Variants in KCNIP4 observed in about 807,000 individuals in gnomAD.
KCNIP4 encodes Kv channel-interacting protein 4.
Under a neutral mutation model 34.0 loss-of-function variants are expected in KCNIP4, and 12 were observed. That is an observed-to-expected ratio of 0.35 (90% CI 0.23 to 0.57). KCNIP4 has a LOEUF of 0.57. Among genes scored for constraint, KCNIP4 ranks in the 20% least tolerant of loss-of-function variants. KCNIP4 has a pLI of 0.83. For missense variants in KCNIP4, 238 were observed against 311.7 expected, an observed-to-expected ratio of 0.76 and a Z score of 1.78; for synonymous variants, 124 against 102.2, an observed-to-expected ratio of 1.21 and a Z score of -1.29.
intron 1 of KCNIP4, among the ~76,000 whole-genome samples, chr4:21,336,914 C>T (rs180900796): frequency 2.1e-4 from 32 of 152,050 alleles, no homozygotes; most frequent in Non-Finnish European, 3.4e-4. Context: ...GTAGAAGGTA[C>T]TGGGAGAACA....
chr4:20,982,340 A>T (rs1028494506), intron 1 of KCNIP4, among the ~76,000 whole-genome samples: 1 of 152,176 alleles, frequency 6.6e-6, no homozygotes, highest in African/African-American at 2.4e-5. Flanking sequence ...AAATTATTCC[A>T]ATCATAGAAA....
chr4:21,097,583 G>A lies in KCNIP4; in HGVS notation c.62-214874C>T, dbSNP rs113898878. ...TATTACATCTGTCTTGGTGATCTGC[G>A]ATCAGTGATCTTTGATGTGGCTACC... On this transcript the variant is annotated intron_variant, in intron 1 of 8. Coordinates refer to ENST00000382152, the MANE Select transcript of KCNIP4 (RefSeq NM_025221.6). 2.2e-3 allele frequency among the ~76,000 whole-genome samples: 327 copies of A among 151,956 alleles called. 4 individuals carry two copies. Among genetic ancestry groups the A allele is most frequent in the African/African-American group, 6.5e-3 (270 of 41,420 alleles).
At chr4:21,141,975 C>A (rs925025817) in intron 1 of KCNIP4, among the ~76,000 whole-genome samples, 1 of 151,268 alleles carries the variant, frequency 6.6e-6, no homozygotes, top group Admixed American at 6.6e-5. Flanking sequence ...CATAGTGAAA[C>A]CCTGTCTCTA....
intron 3 of KCNIP4, among the ~76,000 whole-genome samples, chr4:20,774,789 A>G (rs1016180816): frequency 1.3e-5 from 2 of 152,230 alleles, no homozygotes; most frequent in Non-Finnish European, 2.9e-5. Context: ...GATGTGATCA[A>G]TGACTAAAGA....
At chr4:21,068,825 A>T (rs1351623519) in intron 1 of KCNIP4, among the ~76,000 whole-genome samples, 2 of 152,180 alleles carry the variant, frequency 1.3e-5, no homozygotes, top group Non-Finnish European at 2.9e-5. Context: ...AGTAATCTTA[A>T]TAATTTTATT....
chr4:21,438,947 G>A (rs1727198254), intron 1 of KCNIP4, among the ~76,000 whole-genome samples: 1 of 152,086 alleles, frequency 6.6e-6, no homozygotes, highest in South Asian at 2.1e-4. Flanking sequence ...CAGATCACGA[G>A]GTCAGGAGAT....
intron 1 of KCNIP4, among the ~76,000 whole-genome samples, chr4:21,049,680 T>C (rs938122541): frequency 1.3e-5 from 2 of 152,230 alleles, no homozygotes; most frequent in Non-Finnish European, 2.9e-5. Flanking sequence ...TGATTACTTC[T>C]GTGTGTTTAT....
intron 1 of KCNIP4, among the ~76,000 whole-genome samples, chr4:21,795,037 T>G (rs917513122): frequency 5.3e-5 from 8 of 151,856 alleles, no homozygotes; most frequent in African/African-American, 1.9e-4. Context: ...AATTTTCAGT[T>G]CCCCCCAAAT....
chr4:21,641,741 C>T (rs2109234980), intron 1 of KCNIP4, among the ~76,000 whole-genome samples: 1 of 152,264 alleles, frequency 6.6e-6, no homozygotes, highest in South Asian at 2.1e-4. Context: ...TTTGCAGCCA[C>T]TCTTATTGCC....
intron 1 of KCNIP4, among the ~76,000 whole-genome samples, chr4:21,113,386 G>T (rs1749394029): frequency 1.5e-5 from 2 of 136,544 alleles, no homozygotes; most frequent in African/African-American, 5.4e-5. Context: ...CTTCTGAGTT[G>T]ATTTTGTTCT....
At chr4:21,779,890 T>G (rs964654897) in intron 1 of KCNIP4, among the ~76,000 whole-genome samples, 1 of 150,882 alleles carries the variant, frequency 6.6e-6, no homozygotes, top group Admixed American at 6.6e-5. Context: ...ATAATTGTGC[T>G]GCTGCACTCT....
intron 1 of KCNIP4, among the ~76,000 whole-genome samples, chr4:21,670,542 G>T (rs965368527): frequency 2.7e-4 from 41 of 151,942 alleles, no homozygotes; most frequent in African/African-American, 9.2e-4. Flanking sequence ...TGCACAATGT[G>T]CACATGTACC....
intron 1 of KCNIP4, among the ~76,000 whole-genome samples, chr4:21,557,800 T>C (rs985864488): frequency 1.3e-5 from 2 of 152,172 alleles, no homozygotes; most frequent in Non-Finnish European, 2.9e-5. Context: ...CATAGGCCAC[T>C]GGCACTGGGA....
At chr4:21,490,941 T>C (rs1375571682) in intron 1 of KCNIP4, among the ~76,000 whole-genome samples, 1 of 152,062 alleles carries the variant, frequency 6.6e-6, no homozygotes, top group South Asian at 2.1e-4. Flanking sequence ...TCAGGTTCTA[T>C]GGGAAGATTA....
intron 1 of KCNIP4, among the ~76,000 whole-genome samples, chr4:21,768,563 G>C (rs1718573195): frequency 6.6e-6 from 1 of 151,972 alleles, no homozygotes; most frequent in African/African-American, 2.4e-5. Context: ...TGCTTGTTTT[G>C]TACTGCCACC....
intron 1 of KCNIP4, among the ~76,000 whole-genome samples, chr4:21,431,871 T>C (rs1476397859): frequency 6.6e-6 from 1 of 151,134 alleles, no homozygotes; most frequent in Non-Finnish European, 1.5e-5. Flanking sequence ...AAGTGACTAA[T>C]GATCTTAATC....
At chr4:21,429,967 T>C (rs891801197) in intron 1 of KCNIP4, among the ~76,000 whole-genome samples, 1 of 152,188 alleles carries the variant, frequency 6.6e-6, no homozygotes, top group Non-Finnish European at 1.5e-5. Context: ...TATCAGTCAC[T>C]GTGAAGATAA....
intron 1 of KCNIP4, among the ~76,000 whole-genome samples, chr4:21,416,626 T>G (rs1724975930): frequency 6.6e-6 from 1 of 152,160 alleles, no homozygotes; most frequent in Admixed American, 6.5e-5. Context: ...GAAATGAGAA[T>G]TAAACACATT....
chr4:21,496,894 C>A (rs190157757), intron 1 of KCNIP4, among the ~76,000 whole-genome samples: 4 of 152,320 alleles, frequency 2.6e-5, no homozygotes, highest in Admixed American at 2.6e-4. Flanking sequence ...CATCCCCGCC[C>A]TGCTCTGTCT....
Sources: allele counts gnomAD v4.1 joint callset (sites outside exome capture counted in the v4.1 genomes callset), GRCh38; gene constraint gnomAD v4.1.1; transcripts MANE v1.5; gene names NCBI Gene and HGNC (gene_info 2026-07-23, HGNC 2026-07-21).